ADARB2: variants seen among roughly 807,000 people sequenced by gnomAD.
The protein encoded by ADARB2 is adenosine deaminase RNA specific B2 (inactive), also known as inactive double-stranded RNA-specific editase B2.
In ADARB2, 25 loss-of-function variants were observed where a neutral mutation model predicts 62.2. That is an observed-to-expected ratio of 0.40 (90% CI 0.29 to 0.56). The LOEUF is 0.56. ADARB2 is among the 20% of genes least tolerant of loss of function. ADARB2 has a pLI of 0.43. For synonymous variants in ADARB2, 572 were observed against 500.8 expected (o/e 1.14, Z -1.90); for missense variants, 1,071 against 1,077.4 (o/e 0.99, Z 0.08).
At chr10:1,267,616 T>TC (rs1446268155) in intron 4 of ADARB2, among the ~76,000 whole-genome samples, 1 of 152,150 alleles carries the variant, frequency 6.6e-6, no homozygotes, top group Non-Finnish European at 1.5e-5. Flanking sequence ...TTCTTTTTTT[T>TC]CAATAAGAGA....
intron 1 of ADARB2, among the ~76,000 whole-genome samples, chr10:1,385,727 A>C (rs1832520300): frequency 6.6e-6 from 1 of 152,200 alleles, no homozygotes; most frequent in South Asian, 2.1e-4. Context: ...AATATACTTT[A>C]AATAATAGTT....
At chr10:1,658,987 A>T (rs1834209704) in intron 1 of ADARB2, among the ~76,000 whole-genome samples, 1 of 152,146 alleles carries the variant, frequency 6.6e-6, no homozygotes. Flanking sequence ...AATTGAATTC[A>T]CTCAAGTTGT....
At chr10:1,525,735 G>A (rs1832131809) in intron 1 of ADARB2, among the ~76,000 whole-genome samples, 1 of 152,152 alleles carries the variant, frequency 6.6e-6, no homozygotes, top group Admixed American at 6.5e-5. Context: ...GTGCATGCGT[G>A]TGCGTGCATG....
intron 1 of ADARB2, among the ~76,000 whole-genome samples, chr10:1,616,336 A>G (rs1833634224): frequency 6.6e-6 from 1 of 152,246 alleles, no homozygotes; most frequent in South Asian, 2.1e-4. Context: ...CGAGGATCAG[A>G]ACCAGCAAGT....
At chr10:1,313,997 G>A (rs1831715142) in intron 3 of ADARB2, among the ~76,000 whole-genome samples, 1 of 152,206 alleles carries the variant, frequency 6.6e-6, no homozygotes, top group South Asian at 2.1e-4. Context: ...GCAATCTCCA[G>A]CCTCCACTCT....
intron 1 of ADARB2, among the ~76,000 whole-genome samples, chr10:1,666,010 C>T (rs1393723295): frequency 1.3e-5 from 2 of 150,012 alleles, no homozygotes; most frequent in Non-Finnish European, 2.9e-5. Context: ...AGCTGGGGCC[C>T]AGCCACAGTC....
chr10:1,417,390 C>T (rs527389882), intron 1 of ADARB2, among the ~76,000 whole-genome samples: 7 of 152,188 alleles, frequency 4.6e-5, no homozygotes, highest in African/African-American at 1.4e-4. Flanking sequence ...GAGTGCAGCC[C>T]AGAGGGTCGG....
At chr10:1,672,140 T>TGGGTGTGGACAGC (rs1047169576) in intron 1 of ADARB2, among the ~76,000 whole-genome samples, 1 of 151,172 alleles carries the variant, frequency 6.6e-6, no homozygotes, top group Non-Finnish European at 1.5e-5. Context: ...GTATGTGGGG[T>TGGGTGTGGACAGC]GGGTGTGGAC....
chr10:1,667,437 T>C (rs377026469), intron 1 of ADARB2, among the ~76,000 whole-genome samples: 4 of 152,258 alleles, frequency 2.6e-5, no homozygotes, highest in African/African-American at 9.6e-5. Context: ...TGGGGTTCTC[T>C]GTAAATATGT....
rs183513769 is a variant in ADARB2, at chr10:1,709,219, G to A, written c.100+27832C>T. 4.6e-5 allele frequency among the ~76,000 whole-genome samples: 7 copies of A among 152,258 alleles called. No homozygotes were observed. In the East Asian group the frequency reaches 1.3e-3, roughly 29 times the overall value. Reference sequence around the variant, plus strand: ...TTTGTGCTAAGTCTCTTAAGGGGATGGTTTAGACTTTCTGCAAATTGCTAC... The same window carrying A: ...TTTGTGCTAAGTCTCTTAAGGGGATAGTTTAGACTTTCTGCAAATTGCTAC... On this transcript the variant is annotated intron_variant, in intron 1 of 9. Coordinates refer to ENST00000381312, the MANE Select transcript of ADARB2 (RefSeq NM_018702.4).
At chr10:1,464,546 C>CAT (rs780948199) in intron 1 of ADARB2, among the ~76,000 whole-genome samples, 1 of 75,084 alleles carries the variant, frequency 1.3e-5, no homozygotes, top group Non-Finnish European at 3.0e-5. Context: ...CCCCCACACA[C>CAT]GCGCTGGGGG....
intron 1 of ADARB2, among the ~76,000 whole-genome samples, chr10:1,435,524 G>A (rs994586745): frequency 2.6e-5 from 4 of 152,190 alleles, no homozygotes; most frequent in Non-Finnish European, 5.9e-5. Flanking sequence ...TTCTGTCTGA[G>A]GGCGGAGCCT....
intron 1 of ADARB2, among the ~76,000 whole-genome samples, chr10:1,625,502 C>T (rs115943798): frequency 2.7e-4 from 41 of 152,008 alleles, no homozygotes; most frequent in Non-Finnish European, 4.6e-4. Flanking sequence ...GAATGTTCCT[C>T]GGAGGGAAAA....
chr10:1,555,530 C>T (rs754286645), intron 1 of ADARB2, among the ~76,000 whole-genome samples: 2 of 152,092 alleles, frequency 1.3e-5, no homozygotes, highest in Admixed American at 6.5e-5. Flanking sequence ...CTGCAGGGAC[C>T]GTGAGTGAGT....
At chr10:1,359,808 A>T (rs1832234830) in intron 3 of ADARB2, among the ~76,000 whole-genome samples, 2 of 152,176 alleles carry the variant, frequency 1.3e-5, no homozygotes, top group Admixed American at 6.5e-5. Flanking sequence ...GTCTCTGACC[A>T]CCCGACGAGC....
chr10:1,547,118 C>A (rs763642817), intron 1 of ADARB2, among the ~76,000 whole-genome samples: 1 of 152,238 alleles, frequency 6.6e-6, no homozygotes, highest in African/African-American at 2.4e-5. Flanking sequence ...CTGTCGGTCA[C>A]CACTCTGTGT....
chr10:1,464,703 A>AGC (rs1831228181), intron 1 of ADARB2, among the ~76,000 whole-genome samples: 3 of 105,134 alleles, frequency 2.9e-5, no homozygotes, highest in South Asian at 4.2e-4. Flanking sequence ...CACAGCGGGC[A>AGC]GTGCACTGGA....
chr10:1,669,313 C>T (rs1450867701), intron 1 of ADARB2, among the ~76,000 whole-genome samples: 1 of 152,156 alleles, frequency 6.6e-6, no homozygotes, highest in Admixed American at 6.5e-5. Flanking sequence ...ACAGAGGTCT[C>T]AGAGTCAGCC....
At chr10:1,654,953 C>G (rs1834155820) in intron 1 of ADARB2, among the ~76,000 whole-genome samples, 1 of 152,196 alleles carries the variant, frequency 6.6e-6, no homozygotes, top group African/African-American at 2.4e-5. Context: ...AGCTGGAATG[C>G]CAGAGTCACA....
Sources: gnomAD v4.1 joint callset for allele counts (sites outside exome capture counted in the v4.1 genomes callset) on GRCh38, gnomAD v4.1.1 for gene constraint, MANE v1.5 for transcripts, NCBI Gene and HGNC (gene_info 2026-07-23, HGNC 2026-07-21) for gene names.